Variants in ACSS3 observed in about 807,000 individuals in gnomAD.
ACSS3 encodes acyl-CoA synthetase short chain family member 3.
In ACSS3, 64 loss-of-function variants were observed where a neutral mutation model predicts 84.2. The observed-to-expected ratio is 0.76, with a 90% CI of 0.62 to 0.94. The LOEUF is 0.94. ACSS3 is among the 40% of genes least tolerant of loss of function. The pLI is 0.00. For synonymous variants in ACSS3, 317 were observed against 310.1 expected (o/e 1.02, Z -0.23); for missense variants, 815 against 867.6 (o/e 0.94, Z 0.76).
chr12:81,259,758 C>T lies in ACSS3; in HGVS notation c.*4836C>T. ...GGTGTACCTCCACGCAGCCTGCTTA[C>T]TCCTGTCCTAGAAGATCATGAGAAG... On this transcript the variant is annotated 3_prime_UTR_variant, in exon 16 of 16. Coordinates refer to ENST00000548058, the MANE Select transcript of ACSS3 (RefSeq NM_024560.4). 9.9e-7 allele frequency: 1 copy of T among 1,005,202 alleles called. No individual in the cohort carries two copies. Among genetic ancestry groups the T allele is most frequent in the Non-Finnish European group, 1.5e-6 (1 of 679,858 alleles). 62.3% of individuals were successfully genotyped at this position (1,005,202 alleles called of 1,614,324 possible). A position where few individuals can be genotyped will look rare whatever the true frequency, so the allele number is the denominator to read the frequency against.
At chr12:81,231,482 C>G (rs2033464512) in intron 12 of ACSS3, among the ~76,000 whole-genome samples, 1 of 151,802 alleles carries the variant, frequency 6.6e-6, no homozygotes, top group South Asian at 2.1e-4. Flanking sequence ...TATCAACAGA[C>G]AGAGAGCAGC....
rs374467128 is a variant in ACSS3 at position 81,255,953 on chromosome 12, G to A, written c.*1031G>A. 1 of 152,172 alleles carries A rather than the reference G, an allele frequency of 6.6e-6. No homozygotes were observed. The highest frequency in any genetic ancestry group is 1.9e-4 in the East Asian group (1 of 5,186). 9.4% of individuals were successfully genotyped at this position (152,172 alleles called of 1,614,324 possible). On this transcript the variant is annotated 3_prime_UTR_variant, in exon 16 of 16. Transcript: ENST00000548058. ...ATCCAAATGATTCCAGATTCCTGTG[G>A]AAACAAGGAATCGATGTACAAATGG...
chr12:81,107,179 C>A (rs1387992030), intron 1 of ACSS3, among the ~76,000 whole-genome samples: 1 of 151,190 alleles, frequency 6.6e-6, no homozygotes, highest in African/African-American at 2.4e-5. Flanking sequence ...GAAACTGTAG[C>A]GTGAGCTAAG....
At chr12:81,091,073 T>G (rs1392684522) in intron 1 of ACSS3, among the ~76,000 whole-genome samples, 1 of 152,054 alleles carries the variant, frequency 6.6e-6, no homozygotes, top group Non-Finnish European at 1.5e-5. Context: ...TAAAATTAAT[T>G]TTTCTCAAAT....
chr12:81,195,047 C>T (rs2031759784), intron 8 of ACSS3, among the ~76,000 whole-genome samples: 1 of 151,942 alleles, frequency 6.6e-6, no homozygotes, highest in Admixed American at 6.6e-5. Context: ...GCATTTGAAC[C>T]ATCTAGATTT....
chr12:81,107,306 A>T (rs1182761657), intron 1 of ACSS3, among the ~76,000 whole-genome samples: 1 of 151,806 alleles, frequency 6.6e-6, no homozygotes, highest in African/African-American at 2.4e-5. Context: ...TAATGCAAAT[A>T]AATGACAAAG....
At chr12:81,223,547 C>T (rs958886287) in intron 11 of ACSS3, among the ~76,000 whole-genome samples, 2 of 151,984 alleles carry the variant, frequency 1.3e-5, no homozygotes, top group Admixed American at 6.6e-5. Context: ...CTTATAACAG[C>T]ACTATGAGTT....
At chr12:81,212,924 A>C (rs2135930938) in intron 9 of ACSS3, among the ~76,000 whole-genome samples, 1 of 152,274 alleles carries the variant, frequency 6.6e-6, no homozygotes, top group South Asian at 2.1e-4. Flanking sequence ...CATACCCTTC[A>C]ATTCCCTGTT....
intron 1 of ACSS3, among the ~76,000 whole-genome samples, chr12:81,078,730 TC>T (rs1936919948): frequency 6.6e-6 from 1 of 152,058 alleles, no homozygotes; most frequent in South Asian, 2.1e-4. Context: ...AGATCCTGCC[TC>T]CAGGGACCGC....
At chr12:81,135,055 A>C in intron 3 of ACSS3, 51 bp downstream of exon 3, 8 of 1,435,820 alleles carry the variant, frequency 5.6e-6, no homozygotes, top group Non-Finnish European at 7.5e-6. Context: ...TAATTTAGTC[A>C]TATTTATCTG....
At chr12:81,159,741 A>G (rs1193921668) in intron 7 of ACSS3, among the ~76,000 whole-genome samples, 1 of 152,244 alleles carries the variant, frequency 6.6e-6, no homozygotes, top group Non-Finnish European at 1.5e-5. Context: ...ATAGGAATGC[A>G]ATGTACAAAC....
At chr12:81,175,148 T>C (rs1254297357) in intron 8 of ACSS3, among the ~76,000 whole-genome samples, 2 of 152,210 alleles carry the variant, frequency 1.3e-5, no homozygotes, top group East Asian at 3.8e-4. Context: ...ATCATGTTAA[T>C]TTCAGTTCAA....
chr12:81,145,067 A>ATTTTTTTTTTTTTTTTTTTTTT (rs35753293), intron 5 of ACSS3, among the ~76,000 whole-genome samples: 1 of 100,912 alleles, frequency 9.9e-6, no homozygotes, highest in African/African-American at 3.9e-5. Flanking sequence ...CGCCTGGCTA[A>ATTTTTTTTTTTTTTTTTTTTTT]TTTTTTTTTT....
intron 7 of ACSS3, among the ~76,000 whole-genome samples, chr12:81,162,661 G>T (rs1464049734): frequency 6.6e-6 from 1 of 152,096 alleles, no homozygotes; most frequent in Non-Finnish European, 1.5e-5. Context: ...CCACCCAGAA[G>T]CCTGTCTACC....
In ACSS3 at chr12:81,207,416, C is replaced by T. The variant is rs562266660; in HGVS notation, c.1354+7972C>T. 9.2e-5 allele frequency among the ~76,000 whole-genome samples: 14 copies of T among 152,222 alleles called. No individual in the cohort carries two copies. In the East Asian group the frequency reaches 2.7e-3, roughly 29 times the overall value. On this transcript the variant is annotated intron_variant, in intron 9 of 15. Transcript: ENST00000548058. The stretch of plus-strand genomic sequence containing the variant: ...AGTGATGCAGAATCCAGTAGGACTG[C>T]CTTTACATCCCAATTCAGCCACTTA...
At position 81,213,826 on chromosome 12, in the gene ACSS3, CTCTTCTCTT is replaced by C. The variant is rs1565723791; in HGVS notation, c.1355-3074_1355-3066del. Among the ~76,000 whole-genome samples, 600 of 85,418 alleles carry C rather than the reference CTCTTCTCTT, an allele frequency of 7.0e-3. 14 individuals are homozygous for C. Among genetic ancestry groups the C allele is most frequent in the African/African-American group, 0.022 (563 of 25,612 alleles). 56.0% of individuals were successfully genotyped at this position (85,418 alleles called of 152,430 possible). ...CTCTTCTCTTCTCTTCTCTTCTCTT[CTCTTCTCTT>C]CTCTTCTCTCCTCTCCTCTCTTCTC... On this transcript the variant is annotated intron_variant, in intron 9 of 15. Transcript: ENST00000548058.
intron 7 of ACSS3, among the ~76,000 whole-genome samples, chr12:81,161,979 C>G (rs1565698423): frequency 6.6e-6 from 1 of 152,286 alleles, no homozygotes; most frequent in East Asian, 1.9e-4. Context: ...TTGTCACAGC[C>G]CTGGCTTGGG....
intron 9 of ACSS3, 54 bp downstream of exon 9, chr12:81,199,498 G>C: frequency 6.4e-7 from 1 of 1,559,374 alleles, no homozygotes; most frequent in Non-Finnish European, 8.8e-7. Context: ...CCAAAAAGCT[G>C]CAAGGATTGG....
rs2034454871 is a variant in ACSS3, at chr12:81,258,604, CTTTCA to C, written c.*3686_*3690del. The C allele has an allele frequency of 6.6e-6, 1 of 152,128 alleles. No individual in the cohort carries two copies. Among genetic ancestry groups the C allele is most frequent in the African/African-American group, 2.4e-5 (1 of 41,440 alleles). The allele number at this position is 152,128 out of a possible 1,614,324, so 9.4% of individuals were successfully genotyped here. ...ACACTATATATGTTAATCATTCTGTCTTTCATTTATTTCCTCTGATAAAACTGACT... is the reference window on the plus strand; with the variant it reads ...ACACTATATATGTTAATCATTCTGTCTTTATTTCCTCTGATAAAACTGACT... On this transcript the variant is annotated 3_prime_UTR_variant, in exon 16 of 16. Transcript: ENST00000548058.
Sources: gnomAD v4.1 joint callset for allele counts (sites outside exome capture counted in the v4.1 genomes callset) on GRCh38, gnomAD v4.1.1 for gene constraint, MANE v1.5 for transcripts, NCBI Gene and HGNC (gene_info 2026-07-23, HGNC 2026-07-21) for gene names.